Variants in DGKB observed in about 807,000 individuals in gnomAD.
DGKB encodes the protein 90 kDa diacylglycerol kinase.
A neutral mutation model predicts 114.3 loss-of-function variants in DGKB; 67 were observed. That is an observed-to-expected ratio of 0.59 (90% confidence interval 0.48 to 0.72). The LOEUF (loss-of-function observed/expected upper bound fraction) is 0.72. Among genes scored for constraint, DGKB ranks in the 30% least tolerant of loss-of-function variants. DGKB has a pLI of 0.00. For missense variants in DGKB, 907 were observed against 975.2 expected (o/e 0.93, Z 0.93); for synonymous variants, 398 against 323.1 (o/e 1.23, Z -2.49).
rs548242430 is a variant in DGKB, at chr7:14,185,995, A to G, written c.2123-7844T>C. Among the ~76,000 whole-genome samples, 262 of 152,338 alleles carry G rather than the reference A, an allele frequency of 1.7e-3. 3 individuals are homozygous for G. In the Middle Eastern group the frequency reaches 0.027, roughly 16 times the overall value. ...TGACCAAGAACCCAAAAGCAAATGC[A>G]ATAAAAACAAAGATAAGTAGCTGGG... is the stretch of plus-strand genomic sequence containing the variant. On this transcript the variant is annotated intron_variant, in intron 23 of 25. Coordinates refer to ENST00000402815, the MANE Select transcript of DGKB (RefSeq NM_001350709.2).
intron 23 of DGKB, among the ~76,000 whole-genome samples, chr7:14,333,146 C>T (rs1182115076): frequency 6.6e-6 from 1 of 152,048 alleles, no homozygotes; most frequent in East Asian, 1.9e-4. Context: ...GTTCTAATTG[C>T]TAACACTCTC....
chr7:14,792,941 T>C (rs1335734053), intron 2 of DGKB, among the ~76,000 whole-genome samples: 3 of 152,130 alleles, frequency 2.0e-5, no homozygotes, highest in Non-Finnish European at 4.4e-5. Context: ...ATAAAAATGC[T>C]CTTTTGGCAG....
At chr7:14,433,842 G>C (rs1259575856) in intron 21 of DGKB, among the ~76,000 whole-genome samples, 2 of 152,142 alleles carry the variant, frequency 1.3e-5, no homozygotes. Flanking sequence ...TGGGACCCAA[G>C]TCTAAACATG....
In DGKB at chr7:14,889,180, A is replaced by C. The variant is rs576186975; in HGVS notation, c.-188+13412T>G. Among the ~76,000 whole-genome samples, 10 of 151,800 alleles carry C rather than the reference A, an allele frequency of 6.6e-5. No individual in the cohort carries two copies. In the South Asian group the frequency reaches 1.0e-3, roughly 16 times the overall value. On this transcript the variant is annotated intron_variant, in intron 1 of 25. Coordinates refer to ENST00000402815, the MANE Select transcript of DGKB (RefSeq NM_001350709.2). ...ATATCAGCAAATTATCCTTGTGAAG[A>C]ATAAACACAAGATTAAGAATGCAAG...
intron 20 of DGKB, among the ~76,000 whole-genome samples, chr7:14,537,852 G>A (rs1454586166): frequency 1.3e-5 from 2 of 152,066 alleles, no homozygotes; most frequent in South Asian, 2.1e-4. Flanking sequence ...AGGCCAAGGC[G>A]GGTGGATCAC....
At chr7:14,280,603 C>T (rs1190502125) in intron 23 of DGKB, among the ~76,000 whole-genome samples, 1 of 150,866 alleles carries the variant, frequency 6.6e-6, no homozygotes, top group African/African-American at 2.4e-5. Context: ...TTAAGGGCAG[C>T]CAGAGAGAAA....
chr7:14,286,805 GTTA>G lies in DGKB; in HGVS notation c.2122+51707_2122+51709del, dbSNP rs1800941818. Among the ~76,000 whole-genome samples the G allele has an allele frequency of 2.6e-5, 4 of 151,900 alleles. No homozygotes were observed. In the South Asian group the frequency reaches 8.3e-4, roughly 32 times the overall value. ...GCATATTATAACTTAACATATTTTG[GTTA>G]TTATTAGAATTATAAAATATGTGCC... On this transcript the variant is annotated intron_variant, in intron 23 of 25. Transcript: ENST00000402815.
intron 2 of DGKB, among the ~76,000 whole-genome samples, chr7:14,805,084 T>C (rs1842633012): frequency 6.6e-6 from 1 of 152,128 alleles, no homozygotes; most frequent in Admixed American, 6.6e-5. Flanking sequence ...CCTTGTATTA[T>C]TCTCACTTCT....
intron 2 of DGKB, among the ~76,000 whole-genome samples, chr7:14,758,027 C>G (rs927761024): frequency 1.3e-5 from 2 of 152,014 alleles, no homozygotes; most frequent in Non-Finnish European, 1.5e-5. Context: ...ATTTTAGTAT[C>G]TGTAGATATT....
chr7:14,688,105 TTTTCATGTCTTGTCTTG>T (rs1289646002), intron 9 of DGKB, among the ~76,000 whole-genome samples: 4 of 152,186 alleles, frequency 2.6e-5, no homozygotes, highest in African/African-American at 9.7e-5. Context: ...CAACTCTCTA[TTTTCATGTCTTGTCTTG>T]TTTATCTTAC....
intron 21 of DGKB, among the ~76,000 whole-genome samples, chr7:14,383,469 C>G (rs1313398694): frequency 6.6e-6 from 1 of 152,138 alleles, no homozygotes; most frequent in Non-Finnish European, 1.5e-5. Flanking sequence ...TATTTTTTCA[C>G]TTAGAGTAAG....
Position 14,233,320 on chromosome 7 carries a change from C to T in DGKB, c.2123-55169G>A, listed in dbSNP as rs1368963722. On this transcript the variant is annotated intron_variant, in intron 23 of 25. Coordinates refer to ENST00000402815, the MANE Select transcript of DGKB (RefSeq NM_001350709.2). ...GTCTGAAGCAACTCTGACTGAAGAG[C>T]AATGTCAAAGTCTCTCTGTCTCTCT... Among the ~76,000 whole-genome samples, 6 of 152,172 alleles carry T rather than the reference C, an allele frequency of 3.9e-5. No individual in the cohort carries two copies. The South Asian group carries it at 1.2e-3, about 32-fold the overall frequency.
chr7:14,378,948 C>T (rs1181791703), intron 21 of DGKB, among the ~76,000 whole-genome samples: 1 of 151,466 alleles, frequency 6.6e-6, no homozygotes, highest in East Asian at 1.9e-4. Context: ...TGGTTGTTAG[C>T]AAAACTGATT....
intron 12 of DGKB, among the ~76,000 whole-genome samples, chr7:14,673,810 G>C (rs1819404356): frequency 6.6e-6 from 1 of 151,910 alleles, no homozygotes; most frequent in African/African-American, 2.4e-5. Flanking sequence ...ACTTGCTTGA[G>C]GGCATCTAGA....
At chr7:14,231,044 A>T (rs556361596) in intron 23 of DGKB, among the ~76,000 whole-genome samples, 4 of 151,936 alleles carry the variant, frequency 2.6e-5, no homozygotes, top group African/African-American at 9.6e-5. Context: ...TTGGCTGACG[A>T]ATTGTATTAA....
intron 23 of DGKB, among the ~76,000 whole-genome samples, chr7:14,281,217 T>G (rs1294850305): frequency 4.0e-5 from 6 of 151,742 alleles, no homozygotes; most frequent in African/African-American, 1.5e-4. Flanking sequence ...AATCCTAGTC[T>G]CTGATAAAAC....
intron 21 of DGKB, among the ~76,000 whole-genome samples, chr7:14,417,641 GT>G (rs1825910865): frequency 6.6e-6 from 1 of 151,518 alleles, no homozygotes; most frequent in African/African-American, 2.4e-5. Flanking sequence ...TTTTGGTTAA[GT>G]TTTTGCATGG....
rs117904581 is a variant in DGKB at position 14,179,009 on chromosome 7, T to C, written c.2123-858A>G. On this transcript the variant is annotated intron_variant, in intron 23 of 25. Transcript: ENST00000402815. Reference sequence around the variant, plus strand: ...ATGTTAATAATTATTCATATTCACATACCTAGAAAGTGACAGAGCCAAAAA... The same window carrying C: ...ATGTTAATAATTATTCATATTCACACACCTAGAAAGTGACAGAGCCAAAAA... 4.4e-3 allele frequency among the ~76,000 whole-genome samples: 664 copies of C among 152,328 alleles called. 1 individual carries two copies. The highest frequency in any genetic ancestry group is 0.01 in the Middle Eastern group (3 of 294).
intron 6 of DGKB, among the ~76,000 whole-genome samples, chr7:14,715,638 G>A (rs116019638): frequency 1.7e-3 from 255 of 152,212 alleles, no homozygotes; most frequent in African/African-American, 5.7e-3. Flanking sequence ...AGAAGAATTA[G>A]GATTGCATAA....
Sources: allele counts gnomAD v4.1 joint callset (sites outside exome capture counted in the v4.1 genomes callset), GRCh38; gene constraint gnomAD v4.1.1; transcripts MANE v1.5; gene names NCBI Gene and HGNC (gene_info 2026-07-23, HGNC 2026-07-21).